The following ASAH2 variants were observed in gnomAD, a reference collection of about 807,000 sequenced individuals.
ASAH2 encodes the protein N-acylsphingosine amidohydrolase 2.
ASAH2 carries 58 observed loss-of-function variants against 82.9 expected under a neutral mutation model. That is an observed-to-expected ratio of 0.70 (90% CI 0.57 to 0.87). The LOEUF (loss-of-function observed/expected upper bound fraction) is 0.87. Among genes scored for constraint, ASAH2 ranks in the 40% least tolerant of loss-of-function variants. ASAH2 has a pLI of 0.00. For synonymous variants in ASAH2, 276 were observed against 289.7 expected (o/e 0.95, Z 0.48); for missense variants, 779 against 834.0 (o/e 0.93, Z 0.81).
intron 2 of ASAH2, among the ~76,000 whole-genome samples, chr10:50,247,409 C>T (rs541253426): frequency 6.6e-6 from 1 of 152,076 alleles, no homozygotes; most frequent in South Asian, 2.1e-4. Context: ...AGGTGATCTG[C>T]CTACCTTGGT....
chr10:50,206,646 CTTATGAA>C (rs1465103557), intron 12 of ASAH2, among the ~76,000 whole-genome samples: 1 of 150,872 alleles, frequency 6.6e-6, no homozygotes, highest in African/African-American at 2.4e-5. Context: ...AACTATAAAA[CTTATGAA>C]TTAAGAATCT....
At chr10:50,240,549 T>G in intron 4 of ASAH2, 1 of 702,216 alleles carries the variant, frequency 1.4e-6, no homozygotes, top group East Asian at 2.7e-5. Context: ...AGAGTCCATA[T>G]CACCCACAGA....
At position 50,185,936 on chromosome 10, in the gene ASAH2, G is replaced by T. The variant is rs889640076; in HGVS notation, c.*1379C>A. 1 of 147,650 alleles carries T rather than the reference G, an allele frequency of 6.8e-6. No individual in the cohort carries two copies. The highest frequency in any genetic ancestry group is 2.6e-5 in the African/African-American group (1 of 38,820). 9.1% of individuals were successfully genotyped at this position (147,650 alleles called of 1,614,324 possible). On this transcript the variant is annotated 3_prime_UTR_variant, in exon 21 of 21. Coordinates refer to ENST00000682911, the MANE Select transcript of ASAH2 (RefSeq NM_019893.4). ...ATACAAAAGTATGACCTGGGGTTTG[G>T]AAATTTGCTTTGCAGTCTGGGAGGT...
At position 50,203,639 on chromosome 10, in the gene ASAH2, C is replaced by T; in HGVS notation, c.1665+1G>A. The T allele has an allele frequency of 6.2e-7, 1 of 1,611,918 alleles. No individual in the cohort carries two copies. Among genetic ancestry groups the T allele is most frequent in the Non-Finnish European group, 8.5e-7 (1 of 1,178,342 alleles). ...GATATGTTATTTTATTTTTAACTTACTGCTTGAACTGCCTCTCGAAGTCTT... is the reference window on the plus strand; with the variant it reads ...GATATGTTATTTTATTTTTAACTTATTGCTTGAACTGCCTCTCGAAGTCTT... On this transcript the variant is annotated splice_donor_variant, in intron 15 of 20. Transcript: ENST00000682911. LOFTEE classifies it high-confidence loss of function.
At chr10:50,211,283 C>A (rs1243764185) in intron 10 of ASAH2, 149 bp from the exon 11 acceptor site, 2 of 680,744 alleles carry the variant, frequency 2.9e-6, no homozygotes, top group Admixed American at 2.3e-5. Context: ...TGGCCACCAA[C>A]CACATGGGTC....
In ASAH2 at chr10:50,200,622, A is replaced by C. The variant is rs1449957618; in HGVS notation, c.1762-1476T>G. Among the ~76,000 whole-genome samples the C allele has an allele frequency of 3.1e-3, 470 of 152,020 alleles. 5 individuals carry two copies. The highest frequency in any genetic ancestry group is 0.011 in the African/African-American group (437 of 41,484). On this transcript the variant is annotated intron_variant, in intron 16 of 20. Transcript: ENST00000682911. ...TTGTGCATGCCTTTCATGGAAATGTAATCATCTGTTCTTTTTTCTGTCTTC... is the reference window on the plus strand; with the variant it reads ...TTGTGCATGCCTTTCATGGAAATGTCATCATCTGTTCTTTTTTCTGTCTTC...
intron 7 of ASAH2, among the ~76,000 whole-genome samples, chr10:50,229,733 A>G (rs1845979352): frequency 6.6e-6 from 1 of 152,108 alleles, no homozygotes; most frequent in Non-Finnish European, 1.5e-5. Flanking sequence ...TTTGTGTTAA[A>G]TGTTCTTTTC....
At chr10:50,218,276 T>C (rs1845660045) in intron 8 of ASAH2, among the ~76,000 whole-genome samples, 1 of 152,224 alleles carries the variant, frequency 6.6e-6, no homozygotes, top group Non-Finnish European at 1.5e-5. Context: ...CTAATAACTT[T>C]ATGAAGCAAT....
chr10:50,212,476 T>C (rs1381628253), intron 10 of ASAH2, among the ~76,000 whole-genome samples: 1 of 152,130 alleles, frequency 6.6e-6, no homozygotes, highest in Non-Finnish European at 1.5e-5. Flanking sequence ...GGATGATCTT[T>C]GCATATTGAA....
At chr10:50,229,872 C>G (rs893705610) in intron 7 of ASAH2, among the ~76,000 whole-genome samples, 1 of 152,290 alleles carries the variant, frequency 6.6e-6, no homozygotes, top group South Asian at 2.1e-4. Flanking sequence ...TACACACCTG[C>G]CTTTCTTAGC....
At chr10:50,199,691 C>T (rs1845088771) in intron 16 of ASAH2, among the ~76,000 whole-genome samples, 1 of 149,090 alleles carries the variant, frequency 6.7e-6, no homozygotes, top group African/African-American at 2.5e-5. Context: ...TACCAGCTTC[C>T]TCCACAACAT....
At chr10:50,237,876 A>C (rs1846198653) in intron 4 of ASAH2, among the ~76,000 whole-genome samples, 1 of 152,188 alleles carries the variant, frequency 6.6e-6, no homozygotes, top group Non-Finnish European at 1.5e-5. Context: ...TGTAACTATT[A>C]GGCATTGCAT....
intron 3 of ASAH2, 89 bp downstream of exon 3, chr10:50,245,133 A>G: frequency 1.8e-6 from 2 of 1,091,056 alleles, no homozygotes; most frequent in Non-Finnish European, 2.7e-6. Flanking sequence ...GATAATGATG[A>G]TGTTGTAATA....
At position 50,214,784 on chromosome 10, in the gene ASAH2, C is replaced by T. The variant is rs769878787; in HGVS notation, c.1099G>A (p.Glu367Lys). 4 of 1,613,676 alleles carry T rather than the reference C, an allele frequency of 2.5e-6. No individual in the cohort carries two copies. The highest frequency in any genetic ancestry group is 1.7e-5 in the Admixed American group (1 of 60,004). Reference sequence around the variant, plus strand: ...GTGCTATTGGCGTTATCACAGGACTCTCCTGTGTTGATGCAACGTGGTCCA... The same window carrying T: ...GTGCTATTGGCGTTATCACAGGACTTTCCTGTGTTGATGCAACGTGGTCCA... ...ILGPRCINTGESCDNANSTCP... is the reference protein window; with the variant it reads ...ILGPRCINTGKSCDNANSTCP... The change falls in exon 9 of 21, where the codon GAG becomes AAG. Residue 367 changes from glutamate to lysine, a missense_variant. Glu to Lys is a moderately conservative substitution (Grantham distance 56). This residue lies in a region of ASAH2 where 759 missense variants were observed against 755.2 expected (regional missense o/e 1.00). Coordinates refer to ENST00000682911, the MANE Select transcript of ASAH2 (RefSeq NM_019893.4).
intron 6 of ASAH2, 97 bp downstream of exon 6, chr10:50,234,328 A>T: frequency 1.3e-6 from 2 of 1,527,176 alleles, no homozygotes; most frequent in Non-Finnish European, 1.8e-6. Flanking sequence ...CTCTCTTGGG[A>T]CCTCACCATA....
At position 50,199,218 on chromosome 10, in the gene ASAH2, G is replaced by C. The variant is rs1323926043; in HGVS notation, c.1762-72C>G. On this transcript the variant is annotated intron_variant, in intron 16 of 20. Coordinates refer to ENST00000682911, the MANE Select transcript of ASAH2 (RefSeq NM_019893.4). Reference sequence around the variant, plus strand: ...TCCATTTACAGAGGTGTAGCATTTTGGGTAAGTGTGATGCTTGACATCTCA... The same window carrying C: ...TCCATTTACAGAGGTGTAGCATTTTCGGTAAGTGTGATGCTTGACATCTCA... The C allele has an allele frequency of 3.3e-6, 5 of 1,514,936 alleles. No individual in the cohort carries two copies. In the African/African-American group the frequency reaches 6.9e-5, roughly 21 times the overall value. 93.8% of individuals were successfully genotyped at this position (1,514,936 alleles called of 1,614,324 possible).
In ASAH2 at chr10:50,235,872, G is replaced by A; in HGVS notation, c.687+16C>T. 6.2e-7 allele frequency: 1 copy of A among 1,612,496 alleles called. No homozygotes were observed. The highest frequency in any genetic ancestry group is 2.2e-5 in the East Asian group (1 of 44,862). On this transcript the variant is annotated intron_variant, in intron 5 of 20. Coordinates refer to ENST00000682911, the MANE Select transcript of ASAH2 (RefSeq NM_019893.4). ...GCAATGGTAAAGAACAGCTGCCTCT[G>A]GGGCTCTTTGCCTACCTTCAAGATA...
intron 10 of ASAH2, among the ~76,000 whole-genome samples, chr10:50,212,564 A>T (rs1239602150): frequency 6.6e-6 from 1 of 152,172 alleles, no homozygotes; most frequent in Non-Finnish European, 1.5e-5. Flanking sequence ...CACCAAAGGA[A>T]AAGTTAAGAG....
At chr10:50,224,475 C>G (rs1589343120) in intron 7 of ASAH2, among the ~76,000 whole-genome samples, 1 of 151,908 alleles carries the variant, frequency 6.6e-6, no homozygotes, top group East Asian at 1.9e-4. Context: ...TATATTCAAC[C>G]CACATGGTAT....
Sources: gnomAD v4.1 joint callset for allele counts (sites outside exome capture counted in the v4.1 genomes callset) on GRCh38, gnomAD v4.1.1 for gene constraint, gnomAD v4.1.1 regional missense constraint, MANE v1.5 for transcripts, NCBI Gene and HGNC (gene_info 2026-07-23, HGNC 2026-07-21) for gene names.